WDR7: variants seen among roughly 807,000 people sequenced by gnomAD.
The protein encoded by WDR7 is WD repeat-containing protein 7.
WDR7 carries 46 observed loss-of-function variants against 169.4 expected under a neutral mutation model. The ratio of observed to expected loss-of-function variants is 0.27; its 90% CI spans 0.21 to 0.35. The LOEUF (loss-of-function observed/expected upper bound fraction) is 0.35, where lower values mean the gene tolerates loss of function less well. WDR7 is among the 10% of genes least tolerant of loss of function. WDR7 has a pLI of 1.00. For missense variants in WDR7, 1,534 were observed against 1,859.3 expected (o/e 0.83, Z 3.22); for synonymous variants, 612 against 666.8 (o/e 0.92, Z 1.27).
intron 14 of WDR7, among the ~76,000 whole-genome samples, chr18:56,738,963 A>C: frequency 6.6e-6 from 1 of 151,900 alleles, no homozygotes; most frequent in East Asian, 1.9e-4. Flanking sequence ...TTATCTGTTG[A>C]TAAAATATTA....
rs571693385 is a variant in WDR7, at chr18:56,728,738, T to C, written c.1775-2645T>C. Among the ~76,000 whole-genome samples the C allele has an allele frequency of 2.0e-5, 3 of 152,332 alleles. No individual in the cohort carries two copies. In the East Asian group the frequency reaches 5.8e-4, roughly 29 times the overall value. ...ATTTCTTAGACCCACCTTTGGGATCTGTACTGGGCTGCGTCACTGTGTGAA... is the reference window on the plus strand; with the variant it reads ...ATTTCTTAGACCCACCTTTGGGATCCGTACTGGGCTGCGTCACTGTGTGAA... On this transcript the variant is annotated intron_variant, in intron 13 of 27. Coordinates refer to ENST00000254442, the MANE Select transcript of WDR7 (RefSeq NM_015285.3).
At chr18:56,816,835 A>G (rs1052528102) in intron 20 of WDR7, among the ~76,000 whole-genome samples, 2 of 152,206 alleles carry the variant, frequency 1.3e-5, no homozygotes, top group Non-Finnish European at 2.9e-5. Context: ...TAAGAATAAT[A>G]AGCTTTTGTT....
chr18:56,862,947 A>G (rs915802385), intron 20 of WDR7, among the ~76,000 whole-genome samples: 1 of 151,892 alleles, frequency 6.6e-6, no homozygotes, highest in Non-Finnish European at 1.5e-5. Flanking sequence ...TTACTCCTAT[A>G]TACTTTTCAA....
At chr18:56,977,380 G>A (rs1240599329) in intron 26 of WDR7, among the ~76,000 whole-genome samples, 1 of 152,194 alleles carries the variant, frequency 6.6e-6, no homozygotes, top group Non-Finnish European at 1.5e-5. Flanking sequence ...TGCAGGATAA[G>A]CCTTGGAAGA....
At chr18:56,936,502 AT>A (rs995685386) in intron 23 of WDR7, among the ~76,000 whole-genome samples, 1 of 152,096 alleles carries the variant, frequency 6.6e-6, no homozygotes, top group African/African-American at 2.4e-5. Flanking sequence ...CAGCTCTTAA[AT>A]TTTTTTTAAA....
chr18:56,703,413 T>G (rs2025875645), intron 12 of WDR7, among the ~76,000 whole-genome samples: 1 of 152,228 alleles, frequency 6.6e-6, no homozygotes, highest in Non-Finnish European at 1.5e-5. Flanking sequence ...TTAATTTAAT[T>G]TGAATATTGC....
At position 56,972,055 on chromosome 18, in the gene WDR7, A is replaced by G. The variant is rs2047496410; in HGVS notation, c.4164+9526A>G. Among the ~76,000 whole-genome samples the G allele has an allele frequency of 2.0e-5, 3 of 152,212 alleles. No homozygotes were observed. The South Asian group carries it at 6.2e-4, about 32-fold the overall frequency. On this transcript the variant is annotated intron_variant, in intron 26 of 27. Transcript: ENST00000254442. The stretch of plus-strand genomic sequence containing the variant: ...TTAGCTAAAATTATATTTTGGGGGA[A>G]AGGGGACTTAGCAAGGTATGAAAAT...
chr18:56,918,598 G>A (rs915543278), intron 21 of WDR7, among the ~76,000 whole-genome samples: 2 of 151,894 alleles, frequency 1.3e-5, no homozygotes, highest in Non-Finnish European at 1.5e-5. Context: ...TCACCTCACC[G>A]AAATAGTAAG....
At chr18:56,823,731 C>T (rs1488926851) in intron 20 of WDR7, among the ~76,000 whole-genome samples, 1 of 152,156 alleles carries the variant, frequency 6.6e-6, no homozygotes, top group East Asian at 1.9e-4. Flanking sequence ...ATAATCCTGG[C>T]TTTCCCACTT....
chr18:56,720,881 A>G (rs540233526), intron 13 of WDR7, among the ~76,000 whole-genome samples: 5 of 152,280 alleles, frequency 3.3e-5, no homozygotes, highest in South Asian at 2.1e-4. Context: ...GATAAATGCT[A>G]TAGAGAAGCT....
chr18:56,791,997 T>G (rs2044494080), intron 19 of WDR7, among the ~76,000 whole-genome samples: 1 of 151,992 alleles, frequency 6.6e-6, no homozygotes, highest in African/African-American at 2.4e-5. Context: ...ATACAATTTT[T>G]TTTTTCCTAA....
intron 20 of WDR7, among the ~76,000 whole-genome samples, chr18:56,832,013 G>A (rs1335999364): frequency 2.0e-5 from 3 of 152,162 alleles, no homozygotes; most frequent in Non-Finnish European, 4.4e-5. Context: ...CCTGGAAAGA[G>A]GGCTGAAGCC....
intron 20 of WDR7, among the ~76,000 whole-genome samples, chr18:56,843,763 CA>C (rs1489539986): frequency 1.3e-5 from 2 of 152,000 alleles, no homozygotes; most frequent in Non-Finnish European, 2.9e-5. Context: ...CTGTTTTCTA[CA>C]GTGGCTGTAC....
intron 20 of WDR7, among the ~76,000 whole-genome samples, chr18:56,878,100 A>T (rs2046052250): frequency 6.6e-6 from 1 of 152,250 alleles, no homozygotes; most frequent in Non-Finnish European, 1.5e-5. Flanking sequence ...TCTTAAAAGA[A>T]TGTAGCAAGA....
At chr18:56,854,423 G>T (rs1036540871) in intron 20 of WDR7, among the ~76,000 whole-genome samples, 2 of 152,208 alleles carry the variant, frequency 1.3e-5, no homozygotes, top group African/African-American at 4.8e-5. Flanking sequence ...GGGACATGGA[G>T]CCTCCATGCC....
At chr18:56,867,010 C>CATAT (rs778943082) in intron 20 of WDR7, among the ~76,000 whole-genome samples, 4 of 148,468 alleles carry the variant, frequency 2.7e-5, no homozygotes, top group Admixed American at 6.7e-5. Context: ...TATTTACTTA[C>CATAT]TTATTTATTT....
intron 26 of WDR7, chr18:57,010,303 G>T (rs906385187): frequency 4.1e-6 from 4 of 983,662 alleles, no homozygotes; most frequent in Middle Eastern, 5.3e-4. Flanking sequence ...TTTCATATGA[G>T]CAGTGTAAAT....
intron 12 of WDR7, among the ~76,000 whole-genome samples, chr18:56,717,474 C>G (rs1041158859): frequency 6.6e-6 from 1 of 152,110 alleles, no homozygotes; most frequent in Non-Finnish European, 1.5e-5. Context: ...TCTATGACTC[C>G]TAAGAAATGA....
At chr18:56,953,716 G>A (rs2047213116) in intron 25 of WDR7, among the ~76,000 whole-genome samples, 1 of 152,224 alleles carries the variant, frequency 6.6e-6, no homozygotes, top group East Asian at 1.9e-4. Flanking sequence ...CACAAAGGAG[G>A]GAGCTGGCAG....
Sources: allele counts gnomAD v4.1 joint callset (sites outside exome capture counted in the v4.1 genomes callset), GRCh38; gene constraint gnomAD v4.1.1; transcripts MANE v1.5; gene names NCBI Gene and HGNC (gene_info 2026-07-23, HGNC 2026-07-21).